TTLL2: variants seen among roughly 807,000 people sequenced by gnomAD.
TTLL2 encodes tubulin tyrosine ligase like 2, also known as probable tubulin polyglutamylase TTLL2.
A neutral mutation model predicts 7.5 loss-of-function variants in TTLL2; 10 were observed. The ratio of observed to expected loss-of-function variants is 1.33; its 90% CI spans 0.82 to 2.25. TTLL2 has a LOEUF of 2.25. Ranked by LOEUF, TTLL2 falls within the 30% of genes most tolerant of loss-of-function variation. TTLL2 has a pLI of 0.00. For synonymous variants in TTLL2, 284 were observed against 280.3 expected (o/e 1.01, Z -0.13); for missense variants, 733 against 735.7 (o/e 1.00, Z 0.04).
chr6:167,340,204 G>A lies in TTLL2; in HGVS notation c.304G>A (p.Val102Ile), dbSNP rs1223233905. 4.3e-6 allele frequency: 7 copies of A among 1,614,072 alleles called. No individual in the cohort carries two copies. Among genetic ancestry groups the A allele is most frequent in the East Asian group, 2.2e-5 (1 of 44,886 alleles). Residue 102 changes from valine (V) to isoleucine (I), a missense_variant, in exon 3 of 3, where the codon GTC (valine) becomes ATC (isoleucine). Val to Ile is a conservative substitution (Grantham distance 29). Transcript: ENST00000239587. ...GACCACCCCGGCTGTGGTGCAAAGC[G>A]TCCTCCTGGAGAGGGGGTGGAATAA... ...DETTPAVVQS[V>I]LLERGWNKFD...
In TTLL2 at chr6:167,338,843, C is replaced by CCTTCCTTCCTTCCTTT. The variant is rs766693251; in HGVS notation, c.204+55_204+56insTCTTCCTTCCTTCCTT. 53 of 1,424,634 alleles carry CCTTCCTTCCTTCCTTT rather than the reference C, an allele frequency of 3.7e-5. No homozygotes were observed. The African/African-American group carries it at 7.4e-4, about 20-fold the overall frequency. 88.2% of individuals were successfully genotyped at this position (1,424,634 alleles called of 1,614,324 possible). On this transcript the variant is annotated intron_variant, in intron 2 of 2. Transcript: ENST00000239587. ...CAGGTAGTTCCTTCCTTCCTTCCTT[C>CCTTCCTTCCTTCCTTT]CTTCCTTCCTTCCTTCCTTCCTTCT...
intron 1 of TTLL2, among the ~76,000 whole-genome samples, chr6:167,334,713 A>G (rs1778964411): frequency 9.0e-6 from 1 of 110,988 alleles, no homozygotes; most frequent in Non-Finnish European, 1.8e-5. Flanking sequence ...AAAACAAGCA[A>G]TGGGGAAAGG....
intron 1 of TTLL2, 89 bp from the exon 2 acceptor site, chr6:167,338,558 T>A: frequency 1.4e-5 from 20 of 1,464,782 alleles, no homozygotes; most frequent in Middle Eastern, 1.8e-4. Flanking sequence ...ATAACCATGA[T>A]GGATTGATCA....
intron 2 of TTLL2, among the ~76,000 whole-genome samples, chr6:167,339,668 C>A (rs1779043279): frequency 6.6e-6 from 1 of 152,138 alleles, no homozygotes; most frequent in Non-Finnish European, 1.5e-5. Flanking sequence ...AATTTTATGA[C>A]ATCATTGTTT....
At chr6:167,325,640 A>G (rs1778839079) in intron 1 of TTLL2, among the ~76,000 whole-genome samples, 1 of 152,158 alleles carries the variant, frequency 6.6e-6, no homozygotes, top group Non-Finnish European at 1.5e-5. Context: ...GACAGATGCT[A>G]GGGTTATGAG....
chr6:167,336,346 GATATA>G (rs1458729469), intron 1 of TTLL2, among the ~76,000 whole-genome samples: 2 of 151,746 alleles, frequency 1.3e-5, no homozygotes, highest in African/African-American at 2.4e-5. Context: ...TATATGTTAT[GATATA>G]ATATATCTAA....
Position 167,340,216 on chromosome 6 carries a change from AG to A in TTLL2, c.321del (p.Trp108GlyfsTer25). The part of the protein sequence containing the change: ...PAVVQSVLLE[R>X]GWNKFDKQEQ... The stretch of plus-strand genomic sequence containing the variant: ...TGTGGTGCAAAGCGTCCTCCTGGAG[AG>A]GGGGTGGAATAAGTTTGATAAGCAG... On this transcript the variant is annotated frameshift_variant, in exon 3 of 3. Coordinates refer to ENST00000239587, the MANE Select transcript of TTLL2 (RefSeq NM_031949.5). LOFTEE classifies it low-confidence loss of function (END_TRUNC). The A allele has an allele frequency of 6.2e-7, 1 of 1,613,956 alleles. No individual in the cohort carries two copies. Among genetic ancestry groups the A allele is most frequent in the Non-Finnish European group, 8.5e-7 (1 of 1,179,984 alleles).
chr6:167,338,997 G>C, intron 2 of TTLL2, among the ~76,000 whole-genome samples, 194 bp downstream of exon 2: 1 of 125,230 alleles, frequency 8.0e-6, no homozygotes, highest in African/African-American at 3.2e-5. Context: ...CCTCCTTCCT[G>C]CCCTCCCTCC....
intron 1 of TTLL2, among the ~76,000 whole-genome samples, chr6:167,331,793 T>C (rs59473003): frequency 0.037 from 5,645 of 152,222 alleles, 243 homozygotes; most frequent in Admixed American, 0.094. Context: ...GTGCTCAAAC[T>C]GTGTTCAAAT....
Position 167,341,944 on chromosome 6 carries a change from C to A in TTLL2, c.*265C>A. ...CTACAAATACCACACAGCCTCCCAC[C>A]AGTAATTGAATGTGCTACACTACGA... On this transcript the variant is annotated 3_prime_UTR_variant, in exon 3 of 3. Transcript: ENST00000239587. 2.2e-6 allele frequency: 1 copy of A among 449,018 alleles called. No individual in the cohort carries two copies. Among genetic ancestry groups the A allele is most frequent in the Non-Finnish European group, 3.9e-6 (1 of 255,002 alleles). 27.8% of individuals were successfully genotyped at this position (449,018 alleles called of 1,614,324 possible).
intron 1 of TTLL2, among the ~76,000 whole-genome samples, chr6:167,327,803 T>C (rs1030956931): frequency 2.0e-5 from 3 of 152,202 alleles, no homozygotes; most frequent in African/African-American, 7.2e-5. Context: ...CCTAAAAGTA[T>C]AGGTCTTTTT....
intron 1 of TTLL2, among the ~76,000 whole-genome samples, chr6:167,329,285 T>C (rs139056622): frequency 1.3e-5 from 2 of 149,796 alleles, no homozygotes; most frequent in South Asian, 2.1e-4. Context: ...CACTTTTACC[T>C]ACTTCAGAGA....
intron 1 of TTLL2, among the ~76,000 whole-genome samples, chr6:167,328,795 G>A (rs1778879881): frequency 6.6e-6 from 1 of 152,090 alleles, no homozygotes; most frequent in African/African-American, 2.4e-5. Context: ...TTAATCTCCA[G>A]GATCTCAGAG....
intron 1 of TTLL2, chr6:167,327,865 G>A: frequency 2.7e-6 from 1 of 376,238 alleles, no homozygotes; most frequent in Non-Finnish European, 5.3e-6. Flanking sequence ...AAGAGGCAAA[G>A]AGCAGCATTG....
intron 1 of TTLL2, among the ~76,000 whole-genome samples, chr6:167,331,231 A>G (rs1435629987): frequency 6.6e-6 from 1 of 152,184 alleles, no homozygotes; most frequent in Non-Finnish European, 1.5e-5. Context: ...TATTGTCTCA[A>G]ATATTTATCA....
rs754769234 is a variant in TTLL2, at chr6:167,340,945, G to T, written c.1045G>T (p.Val349Phe). The T allele has an allele frequency of 1.2e-6, 2 of 1,614,058 alleles. No homozygotes were observed. The highest frequency in any genetic ancestry group is 1.7e-6 in the Non-Finnish European group (2 of 1,180,032). Residue 349 changes from valine (V) to phenylalanine (F), a missense_variant, in exon 3 of 3, where the codon GTT (valine) becomes TTT (phenylalanine). Coordinates refer to ENST00000239587, the MANE Select transcript of TTLL2 (RefSeq NM_031949.5). The part of the protein sequence containing the change: ...LLLWKKIHRM[V>F]ILTILAIAPS... ...TTTGTGGAAGAAAATCCACCGCATG[G>T]TTATTCTCACCATTCTCGCCATTGC...
intron 1 of TTLL2, among the ~76,000 whole-genome samples, chr6:167,337,950 A>C (rs545657077): frequency 5.9e-5 from 9 of 152,076 alleles, no homozygotes; most frequent in Non-Finnish European, 1.2e-4. Flanking sequence ...TGAAACACAC[A>C]ACACACATAC....
At chr6:167,333,346 G>C (rs2115215310) in intron 1 of TTLL2, among the ~76,000 whole-genome samples, 1 of 81,568 alleles carries the variant, frequency 1.2e-5, no homozygotes, top group Admixed American at 1.4e-4. Flanking sequence ...CGGTTTGCCA[G>C]TATTTTATTG....
chr6:167,341,499 C>A lies in TTLL2; in HGVS notation c.1599C>A (p.Cys533Ter), dbSNP rs181443959. The stretch of plus-strand genomic sequence containing the variant: ...CGTCCCTCTTCCAGTCGCACTCCTG[C>A]AAGACCAAGACCTCCCCGTGTGTCC... ...PYASLFQSHS[C>*]KTKTSPCVLS... is the part of the protein sequence containing the mutation. Residue 533 changes from cysteine to a stop codon, truncating the protein, a stop_gained, in exon 3 of 3, where the codon TGC (cysteine) becomes TGA (stop). Coordinates refer to ENST00000239587, the MANE Select transcript of TTLL2 (RefSeq NM_031949.5). LOFTEE classifies it low-confidence loss of function (END_TRUNC). 18 of 1,614,144 alleles carry A rather than the reference C, an allele frequency of 1.1e-5. No homozygotes were observed. In the Admixed American group the frequency reaches 1.7e-4, roughly 15 times the overall value.
Sources: allele counts gnomAD v4.1 joint callset (sites outside exome capture counted in the v4.1 genomes callset), GRCh38; gene constraint gnomAD v4.1.1; transcripts MANE v1.5; gene names NCBI Gene and HGNC (gene_info 2026-07-23, HGNC 2026-07-21).